The following GRK3 variants were observed in gnomAD, a reference collection of about 807,000 sequenced individuals.
GRK3 encodes G protein-coupled receptor kinase 3.
Under a neutral mutation model 95.7 loss-of-function variants are expected in GRK3, and 54 were observed. The observed-to-expected ratio is 0.56, with a 90% CI of 0.45 to 0.71. GRK3 has a LOEUF of 0.71. Ranked by LOEUF, GRK3 falls within the 30% of genes least tolerant of loss-of-function variation. The probability of loss-of-function intolerance (pLI) is 0.00; values close to 1 mark genes in which losing one functional copy is unlikely to be tolerated. For synonymous variants in GRK3, 281 were observed against 290.8 expected, an observed-to-expected ratio of 0.97 and a Z score of 0.34; for missense variants, 649 against 851.2, an observed-to-expected ratio of 0.76 and a Z score of 2.96.
chr22:25,717,729 T>C (rs888894461), intron 18 of GRK3, among the ~76,000 whole-genome samples: 1 of 152,314 alleles, frequency 6.6e-6, no homozygotes, highest in South Asian at 2.1e-4. Context: ...TACATAACCA[T>C]ATATTTGAGG....
chr22:25,666,971 G>T (rs1334225283), intron 5 of GRK3, among the ~76,000 whole-genome samples: 2 of 152,118 alleles, frequency 1.3e-5, no homozygotes, highest in Non-Finnish European at 2.9e-5. Context: ...TTCAGTAATG[G>T]GTAAAGTGGC....
intron 2 of GRK3, among the ~76,000 whole-genome samples, chr22:25,629,837 T>C (rs1235818037): frequency 2.0e-5 from 3 of 152,170 alleles, no homozygotes; most frequent in African/African-American, 2.4e-5. Context: ...GGGAGCTTAG[T>C]GAGGGTGCTG....
chr22:25,627,993 C>T (rs1251087618), intron 2 of GRK3, among the ~76,000 whole-genome samples: 1 of 152,212 alleles, frequency 6.6e-6, no homozygotes, highest in East Asian at 1.9e-4. Flanking sequence ...CTAGAACCTT[C>T]TATGCAAAAG....
intron 2 of GRK3, among the ~76,000 whole-genome samples, chr22:25,641,665 G>A (rs2084744023): frequency 6.6e-6 from 1 of 152,232 alleles, no homozygotes. Context: ...AAAGGGATAT[G>A]TGAAGTGAGC....
chr22:25,699,438 G>A (rs928491191), intron 13 of GRK3, among the ~76,000 whole-genome samples: 5 of 152,188 alleles, frequency 3.3e-5, no homozygotes, highest in African/African-American at 1.2e-4. Context: ...GGCATTCTTG[G>A]TCATCATAAC....
intron 12 of GRK3, among the ~76,000 whole-genome samples, chr22:25,690,499 G>A (rs1569197368): frequency 6.6e-6 from 1 of 152,184 alleles, no homozygotes; most frequent in Non-Finnish European, 1.5e-5. Context: ...ACCTGCTCAG[G>A]GACCAGGGTG....
intron 1 of GRK3, among the ~76,000 whole-genome samples, 153 bp downstream of exon 1, chr22:25,565,306 C>A (rs1282409652): frequency 1.3e-5 from 2 of 152,122 alleles, no homozygotes; most frequent in Non-Finnish European, 2.9e-5. Flanking sequence ...CCTCGTCGTT[C>A]CAGTCTCTGA....
chr22:25,642,859 A>T (rs1259830375), intron 2 of GRK3, among the ~76,000 whole-genome samples: 1 of 152,084 alleles, frequency 6.6e-6, no homozygotes, highest in Non-Finnish European at 1.5e-5. Context: ...GAAACACTCC[A>T]CCCTATAAGA....
intron 13 of GRK3, among the ~76,000 whole-genome samples, chr22:25,696,641 A>G (rs1481854302): frequency 6.6e-6 from 1 of 152,192 alleles, no homozygotes; most frequent in Non-Finnish European, 1.5e-5. Context: ...GCACCTTTCC[A>G]TCGGAGAGCC....
intron 2 of GRK3, among the ~76,000 whole-genome samples, chr22:25,636,393 A>G (rs1447959123): frequency 3.3e-5 from 5 of 152,222 alleles, no homozygotes; most frequent in Non-Finnish European, 7.3e-5. Context: ...CAGTGCTACA[A>G]TGTACATTCT....
In GRK3 at chr22:25,725,865, C is replaced by A; in HGVS notation, c.*3415C>A. On this transcript the variant is annotated 3_prime_UTR_variant, in exon 21 of 21. Transcript: ENST00000324198. ...TTGGGAGGCTGAGGCAGGAGAATGG[C>A]ATGAACCCGGGAGGCAGAGCTTGCA... 1 of 304,544 alleles carries A rather than the reference C, an allele frequency of 3.3e-6. No individual in the cohort carries two copies. Among genetic ancestry groups the A allele is most frequent in the Non-Finnish European group, 6.0e-6 (1 of 167,226 alleles). 18.9% of individuals were successfully genotyped at this position (304,544 alleles called of 1,614,324 possible). A position where few individuals can be genotyped will look rare whatever the true frequency, so the allele number is the denominator to read the frequency against.
At chr22:25,583,000 A>G (rs1156425497) in intron 1 of GRK3, among the ~76,000 whole-genome samples, 2 of 152,208 alleles carry the variant, frequency 1.3e-5, no homozygotes, top group East Asian at 3.9e-4. Context: ...ACAGGAGGAA[A>G]AATTACATTG....
At chr22:25,620,140 G>T (rs995748018) in intron 2 of GRK3, among the ~76,000 whole-genome samples, 18 of 151,680 alleles carry the variant, frequency 1.2e-4, no homozygotes, top group African/African-American at 4.4e-4. Context: ...AGGGAGGGGC[G>T]CTTCAAAGCC....
At chr22:25,674,292 C>G in intron 7 of GRK3, 145 bp from the exon 8 acceptor site, 1 of 560,438 alleles carries the variant, frequency 1.8e-6, no homozygotes, top group Non-Finnish European at 3.0e-6. Context: ...TCTCATCCTT[C>G]AGCTTAAAGA....
Position 25,704,691 on chromosome 22 carries a change from G to A in GRK3, c.1328+482G>A, listed in dbSNP as rs775881842. On this transcript the variant is annotated intron_variant, in intron 15 of 20. Coordinates refer to ENST00000324198, the MANE Select transcript of GRK3 (RefSeq NM_005160.4). The stretch of plus-strand genomic sequence containing the variant: ...CTCTCAAAGTGCTGGGATTATAGGC[G>A]TGAGCCACTGCGGCCAGCCCACTTT... 8.9e-4 allele frequency among the ~76,000 whole-genome samples: 136 copies of A among 152,356 alleles called. 2 individuals are homozygous for A. Among genetic ancestry groups the A allele is most frequent in the Non-Finnish European group, 8.8e-5 (6 of 68,028 alleles).
rs1931393408 is a variant in GRK3 at position 25,564,965 on chromosome 22, G to T, written c.-76G>T. On this transcript the variant is annotated 5_prime_UTR_variant, in exon 1 of 21. Coordinates refer to ENST00000324198, the MANE Select transcript of GRK3 (RefSeq NM_005160.4). ...GGGCGGCCCCCCCAGGTCGGGGCGCGGCGGGCGGCGGCGGCGGGCGCGCGT... is the reference window on the plus strand; with the variant it reads ...GGGCGGCCCCCCCAGGTCGGGGCGCTGCGGGCGGCGGCGGCGGGCGCGCGT... The T allele has an allele frequency of 5.6e-6, 2 of 360,112 alleles. No individual in the cohort carries two copies. The highest frequency in any genetic ancestry group is 1.0e-4 in the South Asian group (1 of 9,534). 22.3% of individuals were successfully genotyped at this position (360,112 alleles called of 1,614,324 possible).
In GRK3 at chr22:25,711,157, G is replaced by C; in HGVS notation, c.1485G>C (p.Gly495=). The change falls in exon 17 of 21, where the codon GGG becomes GGC. Residue 495 remains glycine (G), a synonymous_variant. Transcript: ENST00000324198. ...CATTTGATGAAGAGGATACCAAAGG[G>C]ATTAAGGTACACATGTGATCATTTA... is the stretch of plus-strand genomic sequence containing the variant. ...IGSFDEEDTK[G]IKLLDCDQEL... is the part of the protein sequence containing the mutation. 1 of 1,601,280 alleles carries C rather than the reference G, an allele frequency of 6.2e-7. No individual in the cohort carries two copies. The highest frequency in any genetic ancestry group is 8.5e-7 in the Non-Finnish European group (1 of 1,169,678).
At position 25,728,395 on chromosome 22, in the gene GRK3, C is replaced by T. The variant is rs905825570; in HGVS notation, c.*5945C>T. The stretch of plus-strand genomic sequence containing the variant: ...ATCTCATAAAAGGATTTCTGTAAGA[C>T]TTTGCAGTGTCATTCCCTCAGAACC... On this transcript the variant is annotated 3_prime_UTR_variant, in exon 21 of 21. Transcript: ENST00000324198. The T allele has an allele frequency of 2.6e-5, 4 of 152,216 alleles. No homozygotes were observed. The highest frequency in any genetic ancestry group is 6.5e-5 in the Admixed American group (1 of 15,268). The allele number at this position is 152,216 out of a possible 1,614,324, so 9.4% of individuals were successfully genotyped here. A position where few individuals can be genotyped will look rare whatever the true frequency, so the allele number is the denominator to read the frequency against.
chr22:25,650,521 G>A lies in GRK3; in HGVS notation c.264+5856G>A, dbSNP rs562173285. Among the ~76,000 whole-genome samples the A allele has an allele frequency of 2.0e-3, 309 of 152,236 alleles. 3 individuals are homozygous for A. Among genetic ancestry groups the A allele is most frequent in the African/African-American group, 6.0e-3 (250 of 41,542 alleles). ...AAATAGAAAATAGAACCAGATCAGGGACTTGAATGCACTTTTGCTCATGTC... is the reference window on the plus strand; with the variant it reads ...AAATAGAAAATAGAACCAGATCAGGAACTTGAATGCACTTTTGCTCATGTC... On this transcript the variant is annotated intron_variant, in intron 3 of 20. Coordinates refer to ENST00000324198, the MANE Select transcript of GRK3 (RefSeq NM_005160.4).
Sources: gnomAD v4.1 joint callset for allele counts (sites outside exome capture counted in the v4.1 genomes callset) on GRCh38, gnomAD v4.1.1 for gene constraint, MANE v1.5 for transcripts, NCBI Gene and HGNC (gene_info 2026-07-23, HGNC 2026-07-21) for gene names.